The following WDR20 variants were observed in gnomAD, a reference collection of about 807,000 sequenced individuals.
The protein encoded by WDR20 is WD repeat-containing protein 20.
WDR20 carries 3 observed loss-of-function variants against 38.7 expected under a neutral mutation model. The ratio of observed to expected loss-of-function variants is 0.08; its 90% CI spans 0.04 to 0.20. WDR20 has a LOEUF of 0.20. WDR20 is among the 10% of genes least tolerant of loss of function. The pLI is 1.00. For synonymous variants in WDR20, 298 were observed against 285.6 expected (o/e 1.04, Z -0.44); for missense variants, 559 against 727.7 (o/e 0.77, Z 2.67).
intron 2 of WDR20, chr14:102,198,233 A>C: frequency 1.2e-5 from 3 of 260,814 alleles, no homozygotes; most frequent in South Asian, 9.4e-5. Flanking sequence ...GGTTCAAGCT[A>C]TTCTTGTGCC....
rs71468389 is a variant in WDR20 at position 102,171,255 on chromosome 14, CTTTTTTTT to C, written c.250-23666_250-23659del. 3.3e-3 allele frequency: 390 copies of C among 119,216 alleles called. 4 individuals carry two copies. The highest frequency in any genetic ancestry group is 0.01 in the African/African-American group (342 of 33,800). The allele number at this position is 119,216 out of a possible 1,614,324, so 7.4% of individuals were successfully genotyped here. ...GCAAGCCACTGCGCCTGGCCTCTCT[CTTTTTTTT>C]TTTTTTTTTTTTTTTTAGGAGACAG... On this transcript the variant is annotated intron_variant, in intron 1 of 2. Coordinates refer to ENST00000342702, the MANE Select transcript of WDR20 (RefSeq NM_144574.4).
At chr14:102,200,462 TTTTTTTGTGTGTGTGTGTG>T (rs1433426541) in intron 2 of WDR20, among the ~76,000 whole-genome samples, 8 of 97,948 alleles carry the variant, frequency 8.2e-5, no homozygotes, top group African/African-American at 2.1e-4. Flanking sequence ...TTTAAATTTT[TTTTTTTGTGTGTGTGTGTG>T]TGTGTGTGTG....
At chr14:102,196,315 A>G (rs188882176) in intron 2 of WDR20, among the ~76,000 whole-genome samples, 1 of 151,916 alleles carries the variant, frequency 6.6e-6, no homozygotes, top group Admixed American at 6.6e-5. Context: ...ATTTAATCCC[A>G]TTTTCCATTA....
At chr14:102,181,643 G>A (rs2063401650) in intron 1 of WDR20, among the ~76,000 whole-genome samples, 1 of 152,070 alleles carries the variant, frequency 6.6e-6, no homozygotes, top group African/African-American at 2.4e-5. Context: ...AGTTGCTTCT[G>A]TAGTCTACTT....
chr14:102,203,093 C>G (rs2060806897), intron 2 of WDR20, among the ~76,000 whole-genome samples: 1 of 152,160 alleles, frequency 6.6e-6, no homozygotes, highest in African/African-American at 2.4e-5. Flanking sequence ...CTCATCACCC[C>G]CACCCCACCT....
At chr14:102,177,297 G>T (rs1030462077) in intron 1 of WDR20, among the ~76,000 whole-genome samples, 13 of 152,104 alleles carry the variant, frequency 8.5e-5, no homozygotes, top group African/African-American at 2.4e-4. Context: ...CAATGCCATT[G>T]CCCAAGTATT....
At chr14:102,212,463 G>A, downstream of WDR20, 1 of 1,530,418 alleles carries the variant, frequency 6.5e-7, no homozygotes, top group Non-Finnish European at 8.8e-7. Flanking sequence ...GGCCCTGCAG[G>A]GCGACACCAC....
chr14:102,147,506 CT>C (rs1190795810), intron 1 of WDR20, among the ~76,000 whole-genome samples: 1 of 152,172 alleles, frequency 6.6e-6, no homozygotes. Flanking sequence ...TGGAGTATGC[CT>C]ACCAGATATG....
chr14:102,212,404 C>A, downstream of WDR20: 1 of 1,103,702 alleles, frequency 9.1e-7, no homozygotes. Flanking sequence ...TGGGGAGGGG[C>A]TGCCTTTGAC....
upstream of WDR20, chr14:102,139,840 G>C (rs997103900): frequency 5.2e-6 from 8 of 1,553,256 alleles, no homozygotes; most frequent in Middle Eastern, 1.7e-4. Flanking sequence ...GGCAGGGGGT[G>C]GGGGAAGAGG....
At chr14:102,187,227 G>C (rs911354378) in intron 1 of WDR20, among the ~76,000 whole-genome samples, 1 of 152,220 alleles carries the variant, frequency 6.6e-6, no homozygotes, top group South Asian at 2.1e-4. Context: ...GACTGCTCCA[G>C]CTAGTTTTGA....
chr14:102,162,418 A>G (rs2058931874), intron 1 of WDR20, among the ~76,000 whole-genome samples: 1 of 152,142 alleles, frequency 6.6e-6, no homozygotes, highest in Admixed American at 6.5e-5. Flanking sequence ...TCTTGAGGGA[A>G]GAAACCATAT....
intron 1 of WDR20, among the ~76,000 whole-genome samples, chr14:102,161,273 C>A (rs2058691098): frequency 1.4e-5 from 2 of 147,502 alleles, no homozygotes; most frequent in Non-Finnish European, 3.0e-5. Flanking sequence ...GCCTCAGCCT[C>A]CCAAGTAGCT....
rs10083330 is a variant in WDR20, at chr14:102,208,211, C to T, written c.433-392C>T. On this transcript the variant is annotated intron_variant, in intron 2 of 2. Transcript: ENST00000342702. The surrounding 1 kb of genome is among the most constrained non-coding windows in gnomAD (Gnocchi z 5.6). ...CTCACAGGCTTCACCTGCAGGTCCTCGTAGAGGGGATACCACATGCAGATG... is the reference window on the plus strand; with the variant it reads ...CTCACAGGCTTCACCTGCAGGTCCTTGTAGAGGGGATACCACATGCAGATG... Among the ~76,000 whole-genome samples, 14,988 of 152,254 alleles carry T rather than the reference C, an allele frequency of 0.098. 1,503 individuals are homozygous for T. The highest frequency in any genetic ancestry group is 0.26 in the African/African-American group (10,759 of 41,524).
chr14:102,221,458 T>G lies in WDR20; in HGVS notation c.1693-1372T>G, dbSNP rs957241321. Reference sequence around the variant, plus strand: ...GGCAGAAGTGGGGTCAGGAACCTGCTGCCCAGCTTTCCTCCACAGGCTTGA... The same window carrying G: ...GGCAGAAGTGGGGTCAGGAACCTGCGGCCCAGCTTTCCTCCACAGGCTTGA... On this transcript the variant is annotated intron_variant, in intron 3 of 3. Transcript: ENST00000335263. This position sits in a 1 kb window ranked among gnomAD's most constrained non-coding sequence, Gnocchi z 4.8. Among the ~76,000 whole-genome samples the G allele has an allele frequency of 2.6e-5, 4 of 152,222 alleles. No individual in the cohort carries two copies. Among genetic ancestry groups the G allele is most frequent in the African/African-American group, 4.8e-5 (2 of 41,470 alleles).
chr14:102,203,840 T>C (rs1241519043), intron 2 of WDR20, among the ~76,000 whole-genome samples: 1 of 152,136 alleles, frequency 6.6e-6, no homozygotes, highest in Non-Finnish European at 1.5e-5. Flanking sequence ...TTAACTAGAC[T>C]TTTTCTGAAA....
In WDR20 at chr14:102,222,993, G is replaced by T; in HGVS notation, c.*110G>T. On this transcript the variant is annotated 3_prime_UTR_variant, in exon 4 of 4. Coordinates refer to the WDR20 transcript ENST00000335263. This position sits in a 1 kb window ranked among gnomAD's most constrained non-coding sequence, Gnocchi z 4.4. ...GCCAGCCGGCGGACCTCAGGCGGTG[G>T]ACGTCGGCGATAGCCGTGTGGACGG... is the stretch of plus-strand genomic sequence containing the variant. 1 of 1,338,386 alleles carries T rather than the reference G, an allele frequency of 7.5e-7. No homozygotes were observed. Among genetic ancestry groups the T allele is most frequent in the South Asian group, 1.2e-5 (1 of 83,198 alleles). The allele number at this position is 1,338,386 out of a possible 1,614,324, so 82.9% of individuals were successfully genotyped here. A position where few individuals can be genotyped will look rare whatever the true frequency, so the allele number is the denominator to read the frequency against.
Position 102,221,094 on chromosome 14 carries a change from A to G in WDR20, c.1693-1736A>G, listed in dbSNP as rs530020350. 6.6e-6 allele frequency among the ~76,000 whole-genome samples: 1 copy of G among 152,310 alleles called. No homozygotes were observed. The highest frequency in any genetic ancestry group is 1.9e-4 in the East Asian group (1 of 5,184). On this transcript the variant is annotated intron_variant, in intron 3 of 3. Coordinates refer to the WDR20 transcript ENST00000335263. The surrounding 1 kb of genome is among the most constrained non-coding windows in gnomAD (Gnocchi z 4.8). ...CCCGGGAAGCTAAACTTAACACAGG[A>G]CTGGTAGAGACACCACCTTCCTGTG...
At chr14:102,214,086 G>A (rs1191416926), downstream of WDR20, 14 of 985,468 alleles carry the variant, frequency 1.4e-5, no homozygotes, top group African/African-American at 7.0e-5. Flanking sequence ...GCACCATGGC[G>A]GCGGTCGGTG....
Sources: allele counts gnomAD v4.1 joint callset (sites outside exome capture counted in the v4.1 genomes callset), GRCh38; gene constraint gnomAD v4.1.1; non-coding constraint Gnocchi (gnomAD v3.1); transcripts MANE v1.5; gene names NCBI Gene and HGNC (gene_info 2026-07-23, HGNC 2026-07-21).